CNOT4: variants seen among roughly 807,000 people sequenced by gnomAD.
The protein encoded by CNOT4 is CCR4-associated factor 4.
In CNOT4, 8 loss-of-function variants were observed where a neutral mutation model predicts 73.8. The ratio of observed to expected loss-of-function variants is 0.11; its 90% confidence interval spans 0.06 to 0.20. The LOEUF is 0.20. Among genes scored for constraint, CNOT4 ranks in the 10% least tolerant of loss-of-function variants. The pLI is 1.00. For missense variants in CNOT4, 564 were observed against 883.4 expected (o/e 0.64, Z 4.58); for synonymous variants, 293 against 321.1 (o/e 0.91, Z 0.94).
intron 10 of CNOT4, among the ~76,000 whole-genome samples, chr7:135,370,106 A>C (rs575531223): frequency 5.3e-5 from 8 of 152,200 alleles, no homozygotes; most frequent in Non-Finnish European, 8.8e-5. Flanking sequence ...TTTACACTCA[A>C]ATTTCTACAA....
chr7:135,429,660 C>G (rs1452631992), intron 2 of CNOT4, among the ~76,000 whole-genome samples: 1 of 152,184 alleles, frequency 6.6e-6, no homozygotes, highest in African/African-American at 2.4e-5. Flanking sequence ...GTTATTTACA[C>G]TCTTCCACTT....
chr7:135,468,792 T>A (rs1165635800), intron 1 of CNOT4, among the ~76,000 whole-genome samples: 1 of 152,182 alleles, frequency 6.6e-6, no homozygotes, highest in Admixed American at 6.5e-5. Context: ...TAGCATGTAG[T>A]TCACTATATG....
chr7:135,393,659 T>C (rs1343091225), intron 10 of CNOT4, among the ~76,000 whole-genome samples: 2 of 152,202 alleles, frequency 1.3e-5, no homozygotes, highest in African/African-American at 4.8e-5. Context: ...GTATACCATA[T>C]GAAAGTTTGG....
At chr7:135,428,066 G>C (rs1296628150) in intron 2 of CNOT4, among the ~76,000 whole-genome samples, 1 of 152,148 alleles carries the variant, frequency 6.6e-6, no homozygotes, top group African/African-American at 2.4e-5. Context: ...AGAAAGGTCA[G>C]ACTAAGGTAA....
chr7:135,497,831 T>G (rs552066798), intron 1 of CNOT4, among the ~76,000 whole-genome samples: 83 of 152,334 alleles, frequency 5.4e-4, no homozygotes, highest in Non-Finnish European at 9.8e-4. Flanking sequence ...TTCCTTATAT[T>G]TCTATGTGGT....
intron 2 of CNOT4, among the ~76,000 whole-genome samples, chr7:135,431,482 G>A (rs771727126): frequency 8.5e-5 from 13 of 152,172 alleles, no homozygotes; most frequent in Non-Finnish European, 1.8e-4. Context: ...GGTGGCTCAC[G>A]CTTGTAATCC....
At chr7:135,480,438 A>G (rs868150339) in intron 1 of CNOT4, among the ~76,000 whole-genome samples, 91 of 152,368 alleles carry the variant, frequency 6.0e-4, no homozygotes, top group African/African-American at 1.9e-3. Flanking sequence ...ACTCCTTACC[A>G]TAATTTCTCT....
chr7:135,391,372 T>C (rs1399734156), intron 10 of CNOT4, among the ~76,000 whole-genome samples: 5 of 151,990 alleles, frequency 3.3e-5, no homozygotes, highest in African/African-American at 9.7e-5. Context: ...CATCAGAGCC[T>C]TAAAAATAAC....
intron 6 of CNOT4, among the ~76,000 whole-genome samples, chr7:135,413,204 T>C (rs1344958720): frequency 6.6e-6 from 1 of 151,960 alleles, no homozygotes; most frequent in African/African-American, 2.4e-5. Flanking sequence ...CCTTCGTGGA[T>C]CTGTATTAGC....
intron 3 of CNOT4, among the ~76,000 whole-genome samples, chr7:135,417,478 C>T (rs1319982568): frequency 6.6e-6 from 1 of 152,128 alleles, no homozygotes; most frequent in African/African-American, 2.4e-5. Context: ...AGGGGTGTTA[C>T]ATTCGTTTTT....
intron 10 of CNOT4, among the ~76,000 whole-genome samples, chr7:135,380,016 A>G (rs1795750885): frequency 6.6e-6 from 1 of 152,198 alleles, no homozygotes; most frequent in Non-Finnish European, 1.5e-5. Flanking sequence ...AGTTGATTGC[A>G]GATTTCTTGC....
At chr7:135,493,758 T>A (rs866673949) in intron 1 of CNOT4, among the ~76,000 whole-genome samples, 7 of 152,196 alleles carry the variant, frequency 4.6e-5, no homozygotes, top group Admixed American at 2.0e-4. Context: ...TGAAGCTCCC[T>A]ATCAATGGAA....
chr7:135,432,254 G>C (rs1442884430), intron 2 of CNOT4, among the ~76,000 whole-genome samples: 1 of 152,118 alleles, frequency 6.6e-6, no homozygotes, highest in Admixed American at 6.5e-5. Context: ...TGAAAGGACA[G>C]TCTTTTCTGC....
Position 135,362,951 on chromosome 7 carries a change from T to C in CNOT4, c.2076A>G (p.Thr692=), listed in dbSNP as rs6969632. The stretch of plus-strand genomic sequence containing the variant: ...GGGTTTTGCTGGGGGGTCTGAAGGC[T>C]GTCTGAAAGCCTGGGGGTGGGGAGT... The part of the protein sequence containing the change: ...SFHSPPPGFQ[T]AFRPPSKTPT... Residue 692 remains threonine (T), a synonymous_variant, in exon 12 of 12, where the codon ACA becomes ACG. Coordinates refer to ENST00000541284, the MANE Select transcript of CNOT4 (RefSeq NM_001190850.2). 1,608,589 of 1,612,384 alleles carry C rather than the reference T, an allele frequency of 1. 802,472 individuals carry two copies. The highest frequency in any genetic ancestry group is 1 in the East Asian group (44,740 of 44,742).
At chr7:135,393,883 A>G (rs1796530850) in intron 10 of CNOT4, 35 bp downstream of exon 10, 2 of 1,488,256 alleles carry the variant, frequency 1.3e-6, no homozygotes, top group Admixed American at 4.0e-5. Context: ...AATATGAGTT[A>G]TTCAAAAATT....
rs1362221458 is a variant in CNOT4, at chr7:135,413,461, A to G, written c.687+27T>C. 20 of 1,600,876 alleles carry G rather than the reference A, an allele frequency of 1.2e-5. No homozygotes were observed. In the Admixed American group the frequency reaches 3.5e-4, roughly 28 times the overall value. On this transcript the variant is annotated intron_variant, in intron 6 of 11. Coordinates refer to ENST00000541284, the MANE Select transcript of CNOT4 (RefSeq NM_001190850.2). Reference sequence around the variant, plus strand: ...AAAAAAAGTACTCCCTTTTCTGCAAAGTTGATAATTCACATGACTTTACTA... The same window carrying G: ...AAAAAAAGTACTCCCTTTTCTGCAAGGTTGATAATTCACATGACTTTACTA...
chr7:135,428,921 C>T (rs1421639135), intron 2 of CNOT4, among the ~76,000 whole-genome samples: 4 of 152,206 alleles, frequency 2.6e-5, no homozygotes, highest in Middle Eastern at 6.8e-3. Context: ...TCCATTGTGG[C>T]CTGTTTTTTG....
Position 135,363,992 on chromosome 7 carries a change from T to C in CNOT4, c.1702A>G (p.Asn568Asp). The C allele has an allele frequency of 6.3e-7, 1 of 1,598,456 alleles. No individual in the cohort carries two copies. The highest frequency in any genetic ancestry group is 8.5e-7 in the Non-Finnish European group (1 of 1,179,774). Reference protein sequence around the residue: ...DGLRALLPNININFGGLPNSS... With the variant: ...DGLRALLPNIDINFGGLPNSS... Reference sequence around the variant, plus strand: ...TTGGGCAGTCCACCAAAGTTGATGTTAATGTTGGGTAGAAGTGCCCTTAGC... The same window carrying C: ...TTGGGCAGTCCACCAAAGTTGATGTCAATGTTGGGTAGAAGTGCCCTTAGC... The change falls in exon 11 of 12, where the codon AAC (asparagine) becomes GAC (aspartate). Residue 568 changes from asparagine to aspartate, a missense_variant. Asn to Asp is a conservative substitution (Grantham distance 23, BLOSUM62 1). Coordinates refer to ENST00000541284, the MANE Select transcript of CNOT4 (RefSeq NM_001190850.2). This position sits in a 1 kb window ranked among gnomAD's most constrained non-coding sequence, Gnocchi z 4.3.
chr7:135,431,072 C>A (rs529573088), intron 2 of CNOT4, among the ~76,000 whole-genome samples: 1 of 152,226 alleles, frequency 6.6e-6, no homozygotes, highest in South Asian at 2.1e-4. Context: ...CAAGACCAGC[C>A]TGGGCAACAC....
Sources: allele counts gnomAD v4.1 joint callset (sites outside exome capture counted in the v4.1 genomes callset), GRCh38; gene constraint gnomAD v4.1.1; non-coding constraint Gnocchi (gnomAD v3.1); transcripts MANE v1.5; gene names NCBI Gene and HGNC (gene_info 2026-07-23, HGNC 2026-07-21).